SUGCT: variants seen among roughly 807,000 people sequenced by gnomAD.
The protein encoded by SUGCT is succinyl-CoA:glutarate CoA-transferase.
SUGCT carries 41 observed loss-of-function variants against 55.0 expected under a neutral mutation model. That is an observed-to-expected ratio of 0.74 (90% CI 0.58 to 0.97). SUGCT has a LOEUF of 0.97. Among genes scored for constraint, SUGCT ranks in the 50% least tolerant of loss-of-function variants. The pLI, the probability that SUGCT is intolerant of heterozygous loss-of-function variation, is 0.00. For missense variants in SUGCT, 568 were observed against 547.8 expected (o/e 1.04, Z -0.37); for synonymous variants, 187 against 200.4 (o/e 0.93, Z 0.56).
the SUGCT span, among the ~76,000 whole-genome samples, chr7:40,951,407 C>T: frequency 2.6e-5 from 4 of 152,228 alleles, no homozygotes; most frequent in South Asian, 8.3e-4. Context: ...AAAAAACCAG[C>T]TCCCAGATTC....
chr7:40,281,528 T>C (rs1017492188), intron 8 of SUGCT, among the ~76,000 whole-genome samples: 18 of 152,228 alleles, frequency 1.2e-4, no homozygotes, highest in Admixed American at 6.5e-4. Flanking sequence ...CCTAATTTAT[T>C]GTAAGTTTTT....
intron 1 of SUGCT, among the ~76,000 whole-genome samples, chr7:40,139,879 T>C (rs545079793): frequency 8.5e-5 from 13 of 152,160 alleles, no homozygotes; most frequent in Non-Finnish European, 1.8e-4. Flanking sequence ...ATTCAAGTCT[T>C]TAATCCATCT....
chr7:40,695,167 T>TTTA (rs1554403266), intron 12 of SUGCT, among the ~76,000 whole-genome samples: 37 of 135,508 alleles, frequency 2.7e-4, no homozygotes, highest in East Asian at 1.8e-3. Flanking sequence ...AAACCCTTAT[T>TTTA]TTTATTTATT....
intron 7 of SUGCT, among the ~76,000 whole-genome samples, chr7:40,267,043 A>C (rs972436025): frequency 1.3e-5 from 2 of 151,946 alleles, no homozygotes; most frequent in African/African-American, 4.8e-5. Context: ...CAAACAAAAA[A>C]AAAAAAGGAA....
At chr7:40,741,135 G>A (rs576003929) in intron 12 of SUGCT, among the ~76,000 whole-genome samples, 89 of 151,870 alleles carry the variant, frequency 5.9e-4, no homozygotes, top group Admixed American at 5.9e-4. Context: ...ATAATTAGCC[G>A]AGTGTGGTGG....
At chr7:40,658,423 T>C (rs1188180316) in intron 12 of SUGCT, among the ~76,000 whole-genome samples, 2 of 152,198 alleles carry the variant, frequency 1.3e-5, no homozygotes, top group Non-Finnish European at 2.9e-5. Flanking sequence ...AATCCCAAAC[T>C]CGGCTTAAAG....
At chr7:40,535,293 G>A (rs1041094439) in intron 12 of SUGCT, among the ~76,000 whole-genome samples, 2 of 152,106 alleles carry the variant, frequency 1.3e-5, no homozygotes, top group African/African-American at 4.8e-5. Flanking sequence ...TAGTTAGTTG[G>A]TCAACCCTTG....
At chr7:40,300,083 T>C (rs1393324805) in intron 8 of SUGCT, among the ~76,000 whole-genome samples, 1 of 152,206 alleles carries the variant, frequency 6.6e-6, no homozygotes, top group Non-Finnish European at 1.5e-5. Context: ...AATTGTTGTA[T>C]AGCAAAACCC....
the SUGCT span, among the ~76,000 whole-genome samples, chr7:40,899,232 C>T: frequency 2.0e-5 from 3 of 152,312 alleles, no homozygotes; most frequent in South Asian, 2.1e-4. Context: ...GCCCGCCCTC[C>T]TTCCCTCCCT....
At chr7:40,648,625 A>G (rs1048934675) in intron 12 of SUGCT, among the ~76,000 whole-genome samples, 3 of 152,226 alleles carry the variant, frequency 2.0e-5, no homozygotes, top group Non-Finnish European at 2.9e-5. Context: ...CCTAAATCCA[A>G]TGACTGGTGT....
chr7:40,330,984 A>G (rs1392673970), intron 9 of SUGCT, among the ~76,000 whole-genome samples: 1 of 152,130 alleles, frequency 6.6e-6, no homozygotes, highest in Non-Finnish European at 1.5e-5. Flanking sequence ...TAATTTTTTG[A>G]CTTCCCTGCG....
chr7:40,144,145 C>T (rs1788127261), intron 1 of SUGCT, among the ~76,000 whole-genome samples: 1 of 152,158 alleles, frequency 6.6e-6, no homozygotes, highest in African/African-American at 2.4e-5. Context: ...ATTAAGTGGT[C>T]TCAATTCACT....
chr7:40,748,658 T>A (rs1787861018), intron 12 of SUGCT, among the ~76,000 whole-genome samples: 1 of 151,608 alleles, frequency 6.6e-6, no homozygotes, highest in African/African-American at 2.4e-5. Flanking sequence ...TATAGAAAAA[T>A]TTATTTTATT....
rs573386018 is a variant in SUGCT, at chr7:40,368,636, G to C, written c.816+51781G>C. Among the ~76,000 whole-genome samples the C allele has an allele frequency of 5.9e-5, 9 of 152,224 alleles. No homozygotes were observed. The South Asian group carries it at 1.2e-3, about 21-fold the overall frequency. ...AGCATCTTCATTGAACGTATACCTA[G>C]GTCTGAAACTAGTTTTGACTCTAAT... is the stretch of plus-strand genomic sequence containing the variant. On this transcript the variant is annotated intron_variant, in intron 9 of 13. Transcript: ENST00000335693.
chr7:40,318,859 A>G (rs1326564062), intron 9 of SUGCT, among the ~76,000 whole-genome samples: 2 of 152,170 alleles, frequency 1.3e-5, no homozygotes, highest in African/African-American at 4.8e-5. Flanking sequence ...TTTATAGTTT[A>G]TTTTTTGCTC....
At chr7:40,254,862 C>T (rs1790695657) in intron 7 of SUGCT, among the ~76,000 whole-genome samples, 1 of 151,756 alleles carries the variant, frequency 6.6e-6, no homozygotes, top group African/African-American at 2.4e-5. Flanking sequence ...TGGTAATGAT[C>T]CTTTAGTTTT....
intron 12 of SUGCT, among the ~76,000 whole-genome samples, chr7:40,716,772 C>G (rs1033100775): frequency 1.3e-5 from 2 of 152,000 alleles, no homozygotes; most frequent in African/African-American, 4.8e-5. Flanking sequence ...TCTGTATCTA[C>G]TAAACACAAC....
At chr7:40,728,855 T>G (rs1030504442) in intron 12 of SUGCT, among the ~76,000 whole-genome samples, 1 of 152,170 alleles carries the variant, frequency 6.6e-6, no homozygotes, top group Non-Finnish European at 1.5e-5. Flanking sequence ...ACAATAACCA[T>G]AACGGTAATT....
intron 3 of SUGCT, among the ~76,000 whole-genome samples, chr7:40,186,079 TTC>T (rs1047193755): frequency 1.4e-5 from 2 of 140,950 alleles, no homozygotes; most frequent in Admixed American, 6.8e-5. Flanking sequence ...CTTTCTTTCT[TTC>T]TCTCTTTTTC....
Sources: allele counts gnomAD v4.1 joint callset (sites outside exome capture counted in the v4.1 genomes callset), GRCh38; gene constraint gnomAD v4.1.1; transcripts MANE v1.5; gene names NCBI Gene and HGNC (gene_info 2026-07-23, HGNC 2026-07-21).